Variants in DOCK8 observed in about 807,000 individuals in gnomAD.
DOCK8 encodes the protein dedicator of cytokinesis 8.
Under a neutral mutation model 245.6 loss-of-function variants are expected in DOCK8, and 141 were observed. That is an observed-to-expected ratio of 0.57 (90% CI 0.50 to 0.66). The LOEUF is 0.66. Ranked by LOEUF, DOCK8 falls within the 30% of genes least tolerant of loss-of-function variation. The pLI, the probability that DOCK8 is intolerant of heterozygous loss-of-function variation, is 0.00. For synonymous variants in DOCK8, 1,168 were observed against 970.2 expected (o/e 1.20, Z -3.79); for missense variants, 2,965 against 2,603.4 (o/e 1.14, Z -3.02).
Position 464,684 on chromosome 9 carries a change from A to T in DOCK8, c.*465A>T, listed in dbSNP as rs1323590185. ...GCAGGGCAAACTTGTAGGAGTACGA[A>T]ACATTTTCAATAAATCTACAAAGGG... On this transcript the variant is annotated 3_prime_UTR_variant, in exon 48 of 48. Coordinates refer to ENST00000432829, the MANE Select transcript of DOCK8 (RefSeq NM_203447.4). 1 of 187,440 alleles carries T rather than the reference A, an allele frequency of 5.3e-6. No homozygotes were observed. The highest frequency in any genetic ancestry group is 1.1e-5 in the Non-Finnish European group (1 of 87,962). The allele number at this position is 187,440 out of a possible 1,614,324, so 11.6% of individuals were successfully genotyped here. A position where few individuals can be genotyped will look rare whatever the true frequency, so the allele number is the denominator to read the frequency against.
intron 43 of DOCK8, among the ~76,000 whole-genome samples, chr9:445,203 C>T (rs1407217989): frequency 6.6e-6 from 1 of 152,214 alleles, no homozygotes. Context: ...ATAGCACAAG[C>T]TGTGTAAAAT....
chr9:337,683 T>C (rs529891816), intron 12 of DOCK8, among the ~76,000 whole-genome samples: 1 of 152,260 alleles, frequency 6.6e-6, no homozygotes, highest in East Asian at 1.9e-4. Flanking sequence ...CCTAGACTTG[T>C]CAACGGTATA....
At chr9:355,045 A>T (rs2052355726) in intron 14 of DOCK8, among the ~76,000 whole-genome samples, 1 of 152,168 alleles carries the variant, frequency 6.6e-6, no homozygotes, top group African/African-American at 2.4e-5. Flanking sequence ...CTGCTGGCAC[A>T]GTTCTTAATG....
intron 24 of DOCK8, among the ~76,000 whole-genome samples, chr9:391,769 T>C (rs1428518711): frequency 6.6e-6 from 1 of 151,796 alleles, no homozygotes; most frequent in African/African-American, 2.4e-5. Flanking sequence ...GATTTAGTGA[T>C]AATGTTAGCT....
intron 22 of DOCK8, among the ~76,000 whole-genome samples, chr9:383,238 AAAAAT>A (rs750062425): frequency 9.9e-5 from 15 of 152,014 alleles, no homozygotes; most frequent in Non-Finnish European, 2.2e-4. Context: ...TGTCTCTACT[AAAAAT>A]AAAAACATTG....
At chr9:449,718 C>T in intron 44 of DOCK8, 66 bp from the exon 45 acceptor site, 1 of 1,608,618 alleles carries the variant, frequency 6.2e-7, no homozygotes, top group South Asian at 1.1e-5. Flanking sequence ...TCTGTCATAG[C>T]TCCAGGCTTG....
chr9:264,319 C>A (rs867644130), intron 1 of DOCK8, among the ~76,000 whole-genome samples: 3 of 152,238 alleles, frequency 2.0e-5, no homozygotes, highest in African/African-American at 4.8e-5. Flanking sequence ...ATCTAATAAA[C>A]ATTCTACTGT....
chr9:371,308 T>A, intron 16 of DOCK8, 120 bp from the exon 17 acceptor site: 1 of 1,196,796 alleles, frequency 8.4e-7, no homozygotes. Flanking sequence ...CAGAGTAATG[T>A]AAAATGAAAA....
chr9:435,156 A>G (rs1334265433), intron 39 of DOCK8, among the ~76,000 whole-genome samples, 181 bp downstream of exon 39: 3 of 152,256 alleles, frequency 2.0e-5, no homozygotes, highest in Non-Finnish European at 2.9e-5. Flanking sequence ...ACATTCTGCA[A>G]TAGGAGAGCT....
Position 315,994 on chromosome 9 carries a change from CCATTCCACCCAGCAA to C in DOCK8, c.742-1045_742-1031del, listed in dbSNP as rs376497458. Among the ~76,000 whole-genome samples, 439 of 152,278 alleles carry C rather than the reference CCATTCCACCCAGCAA, an allele frequency of 2.9e-3. 2 individuals are homozygous for C. Among genetic ancestry groups the C allele is most frequent in the African/African-American group, 0.01 (429 of 41,546 alleles). The stretch of plus-strand genomic sequence containing the variant: ...AATGTCTCCTCTGAAATAAACTCAG[CCATTCCACCCAGCAA>C]CATGGCCAACCGCCGTAACCACAAG... On this transcript the variant is annotated intron_variant, in intron 6 of 47. Transcript: ENST00000432829.
At chr9:348,035 A>C (rs961075527) in intron 14 of DOCK8, among the ~76,000 whole-genome samples, 15 of 152,164 alleles carry the variant, frequency 9.9e-5, no homozygotes, top group African/African-American at 3.6e-4. Context: ...AAAGTATTGC[A>C]GCATCCTCCG....
In DOCK8 at chr9:335,790, C is replaced by G. The variant is rs534534475; in HGVS notation, c.1286-792C>G. On this transcript the variant is annotated intron_variant, in intron 11 of 47. Coordinates refer to ENST00000432829, the MANE Select transcript of DOCK8 (RefSeq NM_203447.4). ...AAAGATGTCATGTATTATACTGAGG[C>G]AGAATGGCAAGTTTAGGTGGGTAGA... is the stretch of plus-strand genomic sequence containing the variant. 3.9e-5 allele frequency among the ~76,000 whole-genome samples: 6 copies of G among 152,190 alleles called. No individual in the cohort carries two copies. In the East Asian group the frequency reaches 1.2e-3, roughly 29 times the overall value.
Position 432,363 on chromosome 9 carries a change from G to C in DOCK8, c.4785+39G>C, listed in dbSNP as rs749606295. 2.5e-6 allele frequency: 4 copies of C among 1,603,136 alleles called. No homozygotes were observed. The African/African-American group carries it at 4.0e-5, about 16-fold the overall frequency. ...CATACCTTGTCTCATGCATGAGTTT[G>C]GGATCTGCCAACTATTGTGTATGTA... is the stretch of plus-strand genomic sequence containing the variant. On this transcript the variant is annotated intron_variant, in intron 37 of 47. Coordinates refer to ENST00000432829, the MANE Select transcript of DOCK8 (RefSeq NM_203447.4).
chr9:441,757 A>T, intron 41 of DOCK8, 118 bp from the exon 42 acceptor site: 2 of 1,310,126 alleles, frequency 1.5e-6, no homozygotes, highest in Non-Finnish European at 2.1e-6. Flanking sequence ...ATTTCTGTTT[A>T]CATCAGCCAT....
chr9:323,093 CAA>C (rs141746047), intron 7 of DOCK8, among the ~76,000 whole-genome samples: 7 of 100,270 alleles, frequency 7.0e-5, no homozygotes, highest in Admixed American at 1.1e-4. Context: ...AACTCCATCT[CAA>C]AAAAAAAAAA....
chr9:263,662 T>A (rs2047973224), intron 1 of DOCK8, among the ~76,000 whole-genome samples: 1 of 152,216 alleles, frequency 6.6e-6, no homozygotes, highest in Admixed American at 6.5e-5. Context: ...TCTCTCCATT[T>A]TTGTTTATCT....
intron 14 of DOCK8, among the ~76,000 whole-genome samples, chr9:354,033 A>AT (rs1440029713): frequency 2.4e-4 from 36 of 152,270 alleles, no homozygotes; most frequent in African/African-American, 8.2e-4. Context: ...CTATTTTGTG[A>AT]TTAAGAATAT....
At chr9:393,085 CAAAAA>C (rs1159933739) in intron 24 of DOCK8, among the ~76,000 whole-genome samples, 10,178 of 43,066 alleles carry the variant, frequency 0.24, 121 homozygotes, top group Middle Eastern at 0.32. Flanking sequence ...GACCCTGTCT[CAAAAA>C]AAAAAAAAAA....
intron 14 of DOCK8, chr9:366,126 C>T (rs1333761526): frequency 6.1e-6 from 1 of 163,668 alleles, no homozygotes; most frequent in Admixed American, 5.8e-5. Flanking sequence ...GCCTCCTGGC[C>T]TGAGCACCCC....
Sources: allele counts gnomAD v4.1 joint callset (sites outside exome capture counted in the v4.1 genomes callset), GRCh38; gene constraint gnomAD v4.1.1; transcripts MANE v1.5; gene names NCBI Gene and HGNC (gene_info 2026-07-23, HGNC 2026-07-21).